SPMIP1: variants seen among roughly 807,000 people sequenced by gnomAD.
SPMIP1 encodes sperm microtubule inner protein 1.
chr7:128,870,369 C>A, the SPMIP1 span: 4 of 152,526 alleles, frequency 2.6e-5, no homozygotes, highest in South Asian at 2.1e-4. Context: ...GGACTAAATT[C>A]TCTTCGACTC....
chr7:128,868,363 C>T, the SPMIP1 span, among the ~76,000 whole-genome samples: 4 of 152,324 alleles, frequency 2.6e-5, no homozygotes, highest in South Asian at 2.1e-4. Context: ...AGCAGGAGGC[C>T]GAAGGAAATC....
At chr7:128,870,834 T>C in the SPMIP1 span, 1 of 152,248 alleles carries the variant, frequency 6.6e-6, no homozygotes, top group Non-Finnish European at 1.5e-5. Context: ...CCATTTTATG[T>C]AGTGTGGAAG....
the SPMIP1 span, chr7:128,866,422 C>T: frequency 2.6e-6 from 4 of 1,525,188 alleles, no homozygotes. Flanking sequence ...GTCACGGCAG[C>T]TCAACATAGA....
At chr7:128,870,783 C>T in the SPMIP1 span, 1 of 152,290 alleles carries the variant, frequency 6.6e-6, no homozygotes, top group African/African-American at 2.4e-5. Context: ...ACCTGCAGAC[C>T]CCAGGGGCCA....
chr7:128,866,855 C>T, the SPMIP1 span: 1 of 1,516,614 alleles, frequency 6.6e-7, no homozygotes. Context: ...TTGGAAATCA[C>T]CTCAAAAACA....
the SPMIP1 span, among the ~76,000 whole-genome samples, chr7:128,867,232 C>G: frequency 6.6e-6 from 1 of 152,200 alleles, no homozygotes; most frequent in Non-Finnish European, 1.5e-5. Flanking sequence ...AGTTGGGCAT[C>G]TGTTTGGTTA....
the SPMIP1 span, chr7:128,866,695 C>T: frequency 2.7e-5 from 41 of 1,535,824 alleles, no homozygotes; most frequent in East Asian, 4.9e-5. Context: ...ACCTATCACC[C>T]GAGCCCTGCT....
At chr7:128,866,382 C>A in the SPMIP1 span, 1 of 1,495,934 alleles carries the variant, frequency 6.7e-7, no homozygotes, top group East Asian at 2.5e-5. Context: ...GCTGTGGCCA[C>A]CCTGGTGCCA....
the SPMIP1 span, chr7:128,866,792 T>C: frequency 6.5e-7 from 1 of 1,535,476 alleles, no homozygotes. Context: ...CGATACCTCT[T>C]CCCCATCACC....
the SPMIP1 span, among the ~76,000 whole-genome samples, chr7:128,867,534 A>T: frequency 6.6e-6 from 1 of 151,646 alleles, no homozygotes; most frequent in Non-Finnish European, 1.5e-5. Flanking sequence ...TCAGAGCTGA[A>T]GATGCAAATT....
chr7:128,868,966 C>A, the SPMIP1 span: 1 of 540,696 alleles, frequency 1.8e-6, no homozygotes, highest in East Asian at 2.9e-5. Flanking sequence ...TTAATCATCC[C>A]TTTGAGGACT....
the SPMIP1 span, chr7:128,866,535 G>A: frequency 6.5e-7 from 1 of 1,535,946 alleles, no homozygotes; most frequent in Non-Finnish European, 8.7e-7. Context: ...CCAAGCAGAA[G>A]GCTAAGGCTG....
chr7:128,868,533 C>G, the SPMIP1 span: 9 of 554,310 alleles, frequency 1.6e-5, no homozygotes, highest in African/African-American at 1.1e-4. Flanking sequence ...TCCTCCAAAG[C>G]ACTTTCTATT....
the SPMIP1 span, chr7:128,868,667 C>G: frequency 6.5e-7 from 1 of 1,529,142 alleles, no homozygotes; most frequent in African/African-American, 1.4e-5. Flanking sequence ...TTTTCCCAGG[C>G]CCCCCAGTGA....
the SPMIP1 span, among the ~76,000 whole-genome samples, chr7:128,867,917 G>A: frequency 1.3e-5 from 2 of 152,164 alleles, no homozygotes; most frequent in African/African-American, 4.8e-5. Flanking sequence ...TCAAGTTGCT[G>A]GAATCTGATG....
chr7:128,866,841 C>G, the SPMIP1 span: 1 of 1,525,884 alleles, frequency 6.6e-7, no homozygotes, highest in Middle Eastern at 1.7e-4. Context: ...GTGAGCCCAA[C>G]CTCTTGGAAA....
chr7:128,870,664 C>T, the SPMIP1 span: 2 of 152,256 alleles, frequency 1.3e-5, no homozygotes, highest in Non-Finnish European at 2.9e-5. Flanking sequence ...GCCCAGGGGT[C>T]CCGGGAGTGA....
the SPMIP1 span, chr7:128,866,693 C>T: frequency 6.5e-7 from 1 of 1,534,588 alleles, no homozygotes; most frequent in African/African-American, 1.4e-5. Flanking sequence ...CCACCTATCA[C>T]CCGAGCCCTG....
At chr7:128,866,694 C>A in the SPMIP1 span, 1 of 1,535,872 alleles carries the variant, frequency 6.5e-7, no homozygotes, top group African/African-American at 1.4e-5. Flanking sequence ...CACCTATCAC[C>A]CGAGCCCTGC....
Sources: gnomAD v4.1 joint callset for allele counts (sites outside exome capture counted in the v4.1 genomes callset) on GRCh38, gnomAD v4.1.1 for gene constraint, MANE v1.5 for transcripts, NCBI Gene and HGNC (gene_info 2026-07-23, HGNC 2026-07-21) for gene names.